C12orf42: variants seen among roughly 807,000 people sequenced by gnomAD.
The protein encoded by C12orf42 is uncharacterized protein C12orf42.
In C12orf42, 25 loss-of-function variants were observed where a neutral mutation model predicts 21.6. The ratio of observed to expected loss-of-function variants is 1.16; its 90% CI spans 0.84 to 1.62. C12orf42 has a LOEUF of 1.62. C12orf42 is among the 40% of genes most tolerant of loss of function. The pLI is 0.00. For synonymous variants in C12orf42, 174 were observed against 175.0 expected, an observed-to-expected ratio of 0.99 and a Z score of 0.05; for missense variants, 483 against 459.3, an observed-to-expected ratio of 1.05 and a Z score of -0.47.
At chr12:103,172,466 C>G in the C12orf42 span, among the ~76,000 whole-genome samples, 4 of 152,020 alleles carry the variant, frequency 2.6e-5, no homozygotes, top group Non-Finnish European at 4.4e-5. Flanking sequence ...TACCTTTTCC[C>G]CTTGCTGATA....
At chr12:103,426,222 T>C (rs1014989174) in intron 2 of C12orf42, among the ~76,000 whole-genome samples, 1 of 152,154 alleles carries the variant, frequency 6.6e-6, no homozygotes, top group Non-Finnish European at 1.5e-5. Flanking sequence ...GAAAAAAGGT[T>C]AAAGGAATTG....
chr12:103,451,927 G>T (rs754248980), intron 2 of C12orf42, among the ~76,000 whole-genome samples: 1 of 151,792 alleles, frequency 6.6e-6, no homozygotes, highest in East Asian at 1.9e-4. Context: ...TCAATTTCTA[G>T]GTACCAATTT....
chr12:103,340,752 G>A (rs1197577086), intron 4 of C12orf42, among the ~76,000 whole-genome samples: 2 of 151,978 alleles, frequency 1.3e-5, no homozygotes, highest in African/African-American at 2.4e-5. Context: ...ACACTAGAAC[G>A]TCTGATATTA....
intron 10 of C12orf42, among the ~76,000 whole-genome samples, chr12:103,249,970 T>C (rs191111955): frequency 3.3e-4 from 50 of 152,230 alleles, no homozygotes; most frequent in African/African-American, 9.9e-4. Flanking sequence ...TATGACAATA[T>C]TCCCTGTAGA....
At chr12:103,363,588 T>C (rs2044313349) in intron 4 of C12orf42, among the ~76,000 whole-genome samples, 1 of 152,104 alleles carries the variant, frequency 6.6e-6, no homozygotes, top group Non-Finnish European at 1.5e-5. Flanking sequence ...AAGTATCTGC[T>C]GCCTTCAAGA....
the C12orf42 span, among the ~76,000 whole-genome samples, chr12:103,563,223 C>G: frequency 6.6e-6 from 1 of 152,162 alleles, no homozygotes; most frequent in Admixed American, 6.5e-5. Flanking sequence ...ACTCCTGCCT[C>G]AAGGTCAATC....
intron 2 of C12orf42, among the ~76,000 whole-genome samples, chr12:103,449,357 T>A (rs925402896): frequency 6.6e-6 from 1 of 151,530 alleles, no homozygotes; most frequent in Non-Finnish European, 1.5e-5. Context: ...GGGAGAGGGG[T>A]GAGGGATAAA....
At chr12:103,259,430 G>T (rs1241544935) in intron 10 of C12orf42, among the ~76,000 whole-genome samples, 2 of 152,036 alleles carry the variant, frequency 1.3e-5, no homozygotes, top group Non-Finnish European at 2.9e-5. Context: ...AGGTGCCCAT[G>T]ACCATGCTTG....
chr12:103,210,639 CTT>C, the C12orf42 span, among the ~76,000 whole-genome samples: 56 of 77,674 alleles, frequency 7.2e-4, no homozygotes, highest in African/African-American at 1.5e-3. Context: ...CCCTCTATTT[CTT>C]TTTTTTTTTT....
At chr12:103,074,302 C>T in the C12orf42 span, among the ~76,000 whole-genome samples, 9 of 152,118 alleles carry the variant, frequency 5.9e-5, no homozygotes, top group East Asian at 1.9e-4. Context: ...TTTTCGGGCA[C>T]CATAAAAAAT....
At chr12:103,395,493 G>T (rs1239104237) in intron 3 of C12orf42, among the ~76,000 whole-genome samples, 3 of 151,952 alleles carry the variant, frequency 2.0e-5, no homozygotes, top group Non-Finnish European at 4.4e-5. Flanking sequence ...CCACCACCAC[G>T]CCCGGCTAAT....
the C12orf42 span, among the ~76,000 whole-genome samples, chr12:103,156,916 AT>A: frequency 6.6e-6 from 1 of 152,166 alleles, no homozygotes; most frequent in Admixed American, 6.5e-5. Context: ...GCTATTGTAA[AT>A]AATGCTGCAG....
the C12orf42 span, among the ~76,000 whole-genome samples, chr12:103,136,976 A>T: frequency 6.6e-6 from 1 of 152,342 alleles, no homozygotes; most frequent in East Asian, 1.9e-4. Context: ...GGTCTAGGCA[A>T]AGATGAGGGC....
At chr12:103,556,649 G>C in the C12orf42 span, among the ~76,000 whole-genome samples, 1 of 152,170 alleles carries the variant, frequency 6.6e-6, no homozygotes, top group Admixed American at 6.5e-5. Context: ...TCTTGTCAGA[G>C]GGTTCAAACT....
the C12orf42 span, among the ~76,000 whole-genome samples, chr12:103,091,414 C>A: frequency 5.3e-5 from 8 of 150,788 alleles, no homozygotes; most frequent in Admixed American, 1.3e-4. Flanking sequence ...CAAGAACAAA[C>A]ATTTTCTTGG....
At chr12:103,396,030 T>C (rs1022981456) in intron 3 of C12orf42, among the ~76,000 whole-genome samples, 5 of 148,662 alleles carry the variant, frequency 3.4e-5, no homozygotes, top group African/African-American at 4.9e-5. Context: ...TATAACATAA[T>C]ATATATACTA....
At chr12:103,234,833 G>T (rs996801492), downstream of C12orf42, among the ~76,000 whole-genome samples, 5 of 151,956 alleles carry the variant, frequency 3.3e-5, no homozygotes, top group Admixed American at 3.3e-4. Flanking sequence ...GTTATGAATT[G>T]TTCTATTTTA....
intron 4 of C12orf42, among the ~76,000 whole-genome samples, chr12:103,287,858 G>T (rs2036574100): frequency 6.6e-6 from 1 of 152,046 alleles, no homozygotes; most frequent in South Asian, 2.1e-4. Flanking sequence ...TGTCACTGGA[G>T]TGAAAGTTTT....
At chr12:103,446,299 GACAA>G (rs1320250717) in intron 2 of C12orf42, among the ~76,000 whole-genome samples, 1 of 151,920 alleles carries the variant, frequency 6.6e-6, no homozygotes, top group Admixed American at 6.6e-5. Flanking sequence ...CAGTCTTCCA[GACAA>G]ACAAATGCTG....
Sources: gnomAD v4.1 joint callset for allele counts (sites outside exome capture counted in the v4.1 genomes callset) on GRCh38, gnomAD v4.1.1 for gene constraint, MANE v1.5 for transcripts, NCBI Gene and HGNC (gene_info 2026-07-23, HGNC 2026-07-21) for gene names.